SYN3: variants seen among roughly 807,000 people sequenced by gnomAD.
SYN3 encodes synapsin III.
Under a neutral mutation model 65.8 loss-of-function variants are expected in SYN3, and 35 were observed. That is an observed-to-expected ratio of 0.53 (90% CI 0.41 to 0.70). The LOEUF (loss-of-function observed/expected upper bound fraction) is 0.70. SYN3 is among the 30% of genes least tolerant of loss of function. The pLI is 0.00. For synonymous variants in SYN3, 270 were observed against 292.9 expected (o/e 0.92, Z 0.80); for missense variants, 680 against 749.0 (o/e 0.91, Z 1.08).
chr22:32,703,941 C>G (rs974754942), intron 6 of SYN3, among the ~76,000 whole-genome samples: 1 of 152,062 alleles, frequency 6.6e-6, no homozygotes, highest in African/African-American at 2.4e-5. Context: ...AAGCATACAA[C>G]TTATGTACCT....
intron 3 of SYN3, among the ~76,000 whole-genome samples, chr22:32,970,160 T>G (rs576198481): frequency 1.3e-5 from 2 of 152,340 alleles, no homozygotes; most frequent in East Asian, 3.9e-4. Context: ...AAGTGCTTCA[T>G]GCAGTCTTAT....
In SYN3 at chr22:32,516,050, C is replaced by T. The variant is rs1385667561; in HGVS notation, c.1610+1993G>A. On this transcript the variant is annotated intron_variant, in intron 13 of 13. Coordinates refer to ENST00000358763, the MANE Select transcript of SYN3 (RefSeq NM_003490.4). Reference sequence around the variant, plus strand: ...CCTGACCTTGTGATCCGCCCCCCTCCACCTCCCAAAGTGTTGGGATTACAG... The same window carrying T: ...CCTGACCTTGTGATCCGCCCCCCTCTACCTCCCAAAGTGTTGGGATTACAG... 2.6e-5 allele frequency among the ~76,000 whole-genome samples: 4 copies of T among 152,112 alleles called. No homozygotes were observed. In the East Asian group the frequency reaches 7.7e-4, roughly 29 times the overall value.
At chr22:32,617,012 G>A (rs992067511) in intron 6 of SYN3, among the ~76,000 whole-genome samples, 36 of 152,296 alleles carry the variant, frequency 2.4e-4, no homozygotes, top group Middle Eastern at 6.8e-3. Flanking sequence ...AATGGAAGGC[G>A]CTGCGGGAGG....
intron 6 of SYN3, among the ~76,000 whole-genome samples, chr22:32,599,794 T>C (rs1263251929): frequency 2.0e-5 from 3 of 152,152 alleles, no homozygotes; most frequent in Non-Finnish European, 4.4e-5. Flanking sequence ...ACTATGTGGC[T>C]AGTTATGTGT....
intron 6 of SYN3, among the ~76,000 whole-genome samples, chr22:32,726,102 A>G (rs2061187283): frequency 6.6e-6 from 1 of 152,110 alleles, no homozygotes; most frequent in Non-Finnish European, 1.5e-5. Flanking sequence ...CCCATGAAAT[A>G]TTCAATAAAG....
chr22:32,815,917 G>A lies in SYN3; in HGVS notation c.711+48998C>T, dbSNP rs112816387. The stretch of plus-strand genomic sequence containing the variant: ...TGTTCTGTGGTCTGTGGTCTTCACC[G>A]CCCCACTAGACAGCCTGGATTTTTC... On this transcript the variant is annotated intron_variant, in intron 6 of 13. Transcript: ENST00000358763. Among the ~76,000 whole-genome samples the A allele has an allele frequency of 8.0e-3, 1,220 of 152,258 alleles. 9 individuals carry two copies. The highest frequency in any genetic ancestry group is 0.01 in the Non-Finnish European group (702 of 68,024).
chr22:32,525,541 A>G (rs2057961846), intron 12 of SYN3, among the ~76,000 whole-genome samples: 1 of 152,012 alleles, frequency 6.6e-6, no homozygotes, highest in African/African-American at 2.4e-5. Flanking sequence ...CCCCGTCTCT[A>G]CTAAAAAATA....
Position 32,966,331 on chromosome 22 carries a change from T to A in SYN3, c.369+14314A>T, listed in dbSNP as rs182026314. 2.6e-4 allele frequency among the ~76,000 whole-genome samples: 39 copies of A among 152,118 alleles called. 1 individual carries two copies. In the South Asian group the frequency reaches 4.2e-3, roughly 16 times the overall value. On this transcript the variant is annotated intron_variant, in intron 3 of 13. Transcript: ENST00000358763. Reference sequence around the variant, plus strand: ...GATGTCCCAGGAGGAGAGACGTGCATAAGCAAAGGCATGGAGATGTGACTC... The same window carrying A: ...GATGTCCCAGGAGGAGAGACGTGCAAAAGCAAAGGCATGGAGATGTGACTC...
intron 6 of SYN3, among the ~76,000 whole-genome samples, chr22:32,852,540 TAG>T (rs1280890295): frequency 6.6e-6 from 1 of 152,130 alleles, no homozygotes; most frequent in Non-Finnish European, 1.5e-5. Flanking sequence ...CAGTCTACCC[TAG>T]AGAGTCAGAA....
chr22:32,775,852 G>C (rs5754265), intron 6 of SYN3, among the ~76,000 whole-genome samples: 3 of 151,970 alleles, frequency 2.0e-5, no homozygotes, highest in Non-Finnish European at 4.4e-5. Flanking sequence ...CCTTCCAAAA[G>C]ATATTCATGC....
At chr22:32,792,058 C>T (rs1442045370) in intron 6 of SYN3, among the ~76,000 whole-genome samples, 1 of 152,210 alleles carries the variant, frequency 6.6e-6, no homozygotes, top group Non-Finnish European at 1.5e-5. Context: ...CTGGTATACA[C>T]AGTCCTCAGT....
intron 6 of SYN3, among the ~76,000 whole-genome samples, chr22:32,785,294 C>T (rs1002967419): frequency 1.3e-5 from 2 of 152,162 alleles, no homozygotes; most frequent in African/African-American, 4.8e-5. Context: ...CCTTCAATTA[C>T]AACTTGCCAT....
intron 6 of SYN3, among the ~76,000 whole-genome samples, chr22:32,771,756 T>C (rs982433937): frequency 6.6e-6 from 1 of 152,216 alleles, no homozygotes; most frequent in East Asian, 1.9e-4. Context: ...ACACTGCACA[T>C]GGAGATTACC....
At chr22:32,719,855 AAGAG>A (rs998338233) in intron 6 of SYN3, among the ~76,000 whole-genome samples, 1 of 152,040 alleles carries the variant, frequency 6.6e-6, no homozygotes, top group African/African-American at 2.4e-5. Flanking sequence ...AAAACAAAAA[AAGAG>A]AGAGAGAGAA....
chr22:33,020,533 C>T (rs2053542840), intron 1 of SYN3, among the ~76,000 whole-genome samples: 1 of 152,120 alleles, frequency 6.6e-6, no homozygotes, highest in African/African-American at 2.4e-5. Context: ...AGGTATAAGG[C>T]CTGAAAGCAA....
intron 6 of SYN3, among the ~76,000 whole-genome samples, chr22:32,752,704 G>C (rs561985317): frequency 3.9e-5 from 6 of 152,172 alleles, no homozygotes; most frequent in Admixed American, 1.3e-4. Flanking sequence ...CCCTGCTCTC[G>C]GCCAGTCACC....
chr22:32,717,884 G>A (rs545551015), intron 6 of SYN3, among the ~76,000 whole-genome samples: 6 of 152,266 alleles, frequency 3.9e-5, no homozygotes, highest in South Asian at 2.1e-4. Flanking sequence ...GCCTCACCCC[G>A]TGGCGGCCTC....
chr22:32,547,744 T>C lies in SYN3; in HGVS notation c.775-6031A>G, dbSNP rs151250480. Among the ~76,000 whole-genome samples, 387 of 152,336 alleles carry C rather than the reference T, an allele frequency of 2.5e-3. 2 individuals carry two copies. The highest frequency in any genetic ancestry group is 9.1e-3 in the African/African-American group (377 of 41,574). ...AATGGGTTTTGGCTCAGAGGTCTCC[T>C]GTTCCAAATTACAAAATCCAACCCG... On this transcript the variant is annotated intron_variant, in intron 7 of 13. Coordinates refer to ENST00000358763, the MANE Select transcript of SYN3 (RefSeq NM_003490.4).
At chr22:32,601,075 G>T (rs1442949424) in intron 6 of SYN3, among the ~76,000 whole-genome samples, 1 of 152,186 alleles carries the variant, frequency 6.6e-6, no homozygotes, top group Non-Finnish European at 1.5e-5. Context: ...CTTCTCCAGG[G>T]TTCTTAAATG....
Sources: gnomAD v4.1 joint callset for allele counts (sites outside exome capture counted in the v4.1 genomes callset) on GRCh38, gnomAD v4.1.1 for gene constraint, MANE v1.5 for transcripts, NCBI Gene and HGNC (gene_info 2026-07-23, HGNC 2026-07-21) for gene names.